Variants in DOCK5 observed in about 807,000 individuals in gnomAD.
DOCK5 encodes the protein dedicator of cytokinesis protein 5.
A neutral mutation model predicts 251.8 loss-of-function variants in DOCK5; 142 were observed. The ratio of observed to expected loss-of-function variants is 0.56; its 90% confidence interval spans 0.49 to 0.65. The LOEUF (loss-of-function observed/expected upper bound fraction) is 0.65, where lower values mean the gene tolerates loss of function less well. Among genes scored for constraint, DOCK5 ranks in the 30% least tolerant of loss-of-function variants. The probability of loss-of-function intolerance (pLI) is 0.00; values close to 1 mark genes in which losing one functional copy is unlikely to be tolerated. For missense variants in DOCK5, 2,111 were observed against 2,312.3 expected (o/e 0.91, Z 1.79); for synonymous variants, 842 against 835.5 (o/e 1.01, Z -0.13).
chr8:25,354,047 AACAAAC>A (rs1190961030), intron 27 of DOCK5, among the ~76,000 whole-genome samples: 2,198 of 28,142 alleles, frequency 0.078, 452 homozygotes, highest in African/African-American at 0.2. Context: ...AAAAAAAAAA[AACAAAC>A]AAAAAAAAAA....
chr8:25,200,878 T>C (rs1470004428), intron 1 of DOCK5, among the ~76,000 whole-genome samples: 2 of 149,886 alleles, frequency 1.3e-5, no homozygotes, highest in Non-Finnish European at 3.0e-5. Flanking sequence ...AATTTGTTGG[T>C]TGTTTAAGGA....
At chr8:25,400,860 T>TC (rs1380555730) in intron 46 of DOCK5, 69 bp from the exon 47 acceptor site, 1 of 1,583,010 alleles carries the variant, frequency 6.3e-7, no homozygotes, top group East Asian at 2.2e-5. Context: ...ATCCCTCCCT[T>TC]CCCCAACCAA....
chr8:25,266,195 A>G (rs1291257327), intron 2 of DOCK5, among the ~76,000 whole-genome samples: 1 of 150,222 alleles, frequency 6.7e-6, no homozygotes, highest in African/African-American at 2.5e-5. Context: ...TGATATGCCC[A>G]TCACTTCCTC....
chr8:25,314,717 A>G (rs1255453185), intron 13 of DOCK5, among the ~76,000 whole-genome samples: 3 of 108,848 alleles, frequency 2.8e-5, no homozygotes, highest in African/African-American at 1.0e-4. Flanking sequence ...CACGTACCCA[A>G]CCTCTATCCA....
chr8:25,260,420 T>C (rs1803547080), intron 2 of DOCK5, among the ~76,000 whole-genome samples: 1 of 151,016 alleles, frequency 6.6e-6, no homozygotes, highest in Admixed American at 6.6e-5. Flanking sequence ...CTTTTATGTG[T>C]GTACGTGGGG....
At chr8:25,319,139 A>G (rs1009358991) in intron 14 of DOCK5, among the ~76,000 whole-genome samples, 4 of 152,168 alleles carry the variant, frequency 2.6e-5, no homozygotes, top group Admixed American at 2.6e-4. Flanking sequence ...AGTTGAGTGA[A>G]TATGCTGTGC....
At chr8:25,316,640 A>G (rs185941412) in intron 13 of DOCK5, among the ~76,000 whole-genome samples, 1 of 152,292 alleles carries the variant, frequency 6.6e-6, no homozygotes, top group East Asian at 1.9e-4. Context: ...TCAATAGACA[A>G]TTGCCTTCAT....
rs1242239941 is a variant in DOCK5, at chr8:25,212,212, T to G, written c.43+27261T>G. ...ATGTAAAGAACTATTCAGGTCAAAATAGCTAGCTATTTTTTTTTAAATCTG... is the reference window on the plus strand; with the variant it reads ...ATGTAAAGAACTATTCAGGTCAAAAGAGCTAGCTATTTTTTTTTAAATCTG... On this transcript the variant is annotated intron_variant, in intron 1 of 51. Coordinates refer to ENST00000276440, the MANE Select transcript of DOCK5 (RefSeq NM_024940.8). Among the ~76,000 whole-genome samples, 10 of 67,334 alleles carry G rather than the reference T, an allele frequency of 1.5e-4. 5 individuals carry two copies. Among genetic ancestry groups the G allele is most frequent in the Non-Finnish European group, 3.9e-4 (8 of 20,740 alleles). 44.2% of individuals were successfully genotyped at this position (67,334 alleles called of 152,430 possible). A position where few individuals can be genotyped will look rare whatever the true frequency, so the allele number is the denominator to read the frequency against.
At chr8:25,402,284 C>T (rs934879157) in intron 47 of DOCK5, among the ~76,000 whole-genome samples, 2 of 151,998 alleles carry the variant, frequency 1.3e-5, no homozygotes, top group African/African-American at 2.4e-5. Context: ...TGCTCCACCA[C>T]ACCCAGCTAA....
chr8:25,201,376 A>T (rs1445370985), intron 1 of DOCK5, among the ~76,000 whole-genome samples: 1 of 152,262 alleles, frequency 6.6e-6, no homozygotes, highest in Non-Finnish European at 1.5e-5. Flanking sequence ...TTCAATAGTG[A>T]AAGAGAACAT....
At chr8:25,260,354 A>ACCCCC (rs200471079) in intron 2 of DOCK5, among the ~76,000 whole-genome samples, 2 of 135,104 alleles carry the variant, frequency 1.5e-5, no homozygotes, top group African/African-American at 5.5e-5. Context: ...GGTGCCGCCC[A>ACCCCC]CCCCCGCCCA....
At chr8:25,343,303 C>T (rs182633380) in intron 25 of DOCK5, among the ~76,000 whole-genome samples, 154 of 152,286 alleles carry the variant, frequency 1.0e-3, no homozygotes, top group Admixed American at 1.9e-3. Flanking sequence ...TTACCGTGCC[C>T]AGTCAGCACT....
chr8:25,208,509 G>A (rs1802055004), intron 1 of DOCK5, among the ~76,000 whole-genome samples: 1 of 152,190 alleles, frequency 6.6e-6, no homozygotes, highest in African/African-American at 2.4e-5. Flanking sequence ...TCCATGAGCT[G>A]CTATCAATAT....
chr8:25,327,278 C>G (rs912346249), intron 18 of DOCK5, among the ~76,000 whole-genome samples: 10 of 152,080 alleles, frequency 6.6e-5, no homozygotes, highest in Non-Finnish European at 5.9e-5. Context: ...TTTCTTTATT[C>G]TTTTTGGTAT....
At chr8:25,257,457 T>C (rs1803448882) in intron 2 of DOCK5, among the ~76,000 whole-genome samples, 1 of 152,218 alleles carries the variant, frequency 6.6e-6, no homozygotes, top group Non-Finnish European at 1.5e-5. Context: ...TTCCACAACA[T>C]GCAGCCCTTT....
chr8:25,395,769 T>C (rs1380011258), intron 45 of DOCK5, 50 bp downstream of exon 45: 1 of 1,577,478 alleles, frequency 6.3e-7, no homozygotes, highest in Non-Finnish European at 8.6e-7. Context: ...TGGGTGTCTG[T>C]GTGCCTCCCT....
intron 18 of DOCK5, among the ~76,000 whole-genome samples, chr8:25,326,384 T>G (rs1442066291): frequency 2.0e-5 from 3 of 152,128 alleles, no homozygotes. Flanking sequence ...AGATCCCTGA[T>G]CTTTAGAAGG....
rs545726503 is a variant in DOCK5, at chr8:25,411,349, G to C, written c.*51G>C. On this transcript the variant is annotated 3_prime_UTR_variant, in exon 52 of 52. Transcript: ENST00000276440. ...AGTGCCTTAGACAGCTGCTGCCTGA[G>C]AACTGGCCTCCAGCCGGTGTCCTCA... 7.2e-7 allele frequency: 1 copy of C among 1,383,388 alleles called. No homozygotes were observed. The highest frequency in any genetic ancestry group is 1.8e-5 in the South Asian group (1 of 57,090). 85.7% of individuals were successfully genotyped at this position (1,383,388 alleles called of 1,614,324 possible).
intron 1 of DOCK5, among the ~76,000 whole-genome samples, chr8:25,187,750 C>T (rs1481044635): frequency 6.6e-6 from 1 of 152,078 alleles, no homozygotes; most frequent in Non-Finnish European, 1.5e-5. Flanking sequence ...GACCAACTGC[C>T]CTTCCCACTG....
Sources: gnomAD v4.1 joint callset for allele counts (sites outside exome capture counted in the v4.1 genomes callset) on GRCh38, gnomAD v4.1.1 for gene constraint, MANE v1.5 for transcripts, NCBI Gene and HGNC (gene_info 2026-07-23, HGNC 2026-07-21) for gene names.